Variants in RALGAPA1 observed in about 807,000 individuals in gnomAD.
RALGAPA1 encodes Ral GTPase activating protein catalytic subunit alpha 1, also known as ral GTPase-activating protein subunit alpha-1.
Under a neutral mutation model 269.6 loss-of-function variants are expected in RALGAPA1, and 52 were observed. That is an observed-to-expected ratio of 0.19 (90% CI 0.15 to 0.24). The LOEUF (loss-of-function observed/expected upper bound fraction) is 0.24, where lower values mean the gene tolerates loss of function less well. Among genes scored for constraint, RALGAPA1 ranks in the 10% least tolerant of loss-of-function variants. The pLI is 1.00. For synonymous variants in RALGAPA1, 817 were observed against 1,008.3 expected (o/e 0.81, Z 3.60); for missense variants, 1,917 against 3,013.9 (o/e 0.64, Z 8.52).
intron 1 of RALGAPA1, among the ~76,000 whole-genome samples, chr14:35,794,023 A>G (rs974639637): frequency 6.6e-6 from 1 of 152,228 alleles, no homozygotes; most frequent in African/African-American, 2.4e-5. Context: ...TCAATTCTTC[A>G]TAAATATATA....
At chr14:35,767,199 T>C (rs941750816) in intron 4 of RALGAPA1, 3 of 171,612 alleles carry the variant, frequency 1.7e-5, no homozygotes, top group Non-Finnish European at 3.7e-5. Context: ...TAAAATTCTG[T>C]TTATTCAAGT....
intron 41 of RALGAPA1, among the ~76,000 whole-genome samples, chr14:35,545,818 G>C (rs1178366747): frequency 6.6e-6 from 1 of 151,892 alleles, no homozygotes; most frequent in Admixed American, 6.6e-5. Flanking sequence ...TATAACATTG[G>C]GAGAAACATG....
intron 33 of RALGAPA1, among the ~76,000 whole-genome samples, chr14:35,632,089 T>A (rs1459922248): frequency 1.3e-5 from 2 of 152,192 alleles, no homozygotes; most frequent in African/African-American, 4.8e-5. Context: ...CTGCCCTAAG[T>A]TGCTTCTCTA....
At chr14:35,657,341 A>G (rs987277583) in intron 28 of RALGAPA1, among the ~76,000 whole-genome samples, 1 of 151,760 alleles carries the variant, frequency 6.6e-6, no homozygotes, top group Admixed American at 6.6e-5. Context: ...GGGGCACGCT[A>G]CGACACCTGG....
At chr14:35,632,400 A>G (rs1409129970) in intron 33 of RALGAPA1, among the ~76,000 whole-genome samples, 2 of 152,188 alleles carry the variant, frequency 1.3e-5, no homozygotes, top group Non-Finnish European at 2.9e-5. Context: ...AGATTGTCAG[A>G]TTAAACAAAT....
intron 4 of RALGAPA1, among the ~76,000 whole-genome samples, chr14:35,765,337 A>T (rs2074057280): frequency 6.6e-6 from 1 of 152,056 alleles, no homozygotes; most frequent in South Asian, 2.1e-4. Context: ...TTACATATAA[A>T]CTTTAAGATA....
In RALGAPA1 at chr14:35,775,642, T is replaced by C; in HGVS notation, c.210A>G (p.Lys70=). 2 of 1,569,426 alleles carry C rather than the reference T, an allele frequency of 1.3e-6. No homozygotes were observed. The highest frequency in any genetic ancestry group is 1.7e-6 in the Non-Finnish European group (2 of 1,166,690). Reference sequence around the variant, plus strand: ...TATATGTTAGCATCTTACCTTTCTGTTTAAGACTAGCTTCAATAGTCACAA... The same window carrying C: ...TATATGTTAGCATCTTACCTTTCTGCTTAAGACTAGCTTCAATAGTCACAA... ...ENFVTIEASL[K]QKGHKSQREE... is the part of the protein sequence containing the mutation. The change falls in exon 2 of 42, where the codon AAA becomes AAG. Residue 70 remains lysine, a synonymous_variant. Coordinates refer to ENST00000680220, the MANE Select transcript of RALGAPA1 (RefSeq NM_001346249.2).
intron 12 of RALGAPA1, among the ~76,000 whole-genome samples, chr14:35,731,147 G>C (rs1192406241): frequency 6.6e-6 from 1 of 152,188 alleles, no homozygotes; most frequent in African/African-American, 2.4e-5. Flanking sequence ...AATCACTGCG[G>C]TTCAGCTCAC....
chr14:35,725,684 C>T (rs1056645840), intron 13 of RALGAPA1, among the ~76,000 whole-genome samples: 1 of 151,118 alleles, frequency 6.6e-6, no homozygotes, highest in Admixed American at 6.6e-5. Context: ...CTGGGCAACA[C>T]AGCAAGCCTT....
At chr14:35,763,502 T>C (rs2073891394) in intron 4 of RALGAPA1, among the ~76,000 whole-genome samples, 1 of 152,138 alleles carries the variant, frequency 6.6e-6, no homozygotes, top group Non-Finnish European at 1.5e-5. Flanking sequence ...ATAAACTGTT[T>C]CATATAACTC....
At chr14:35,732,741 A>C (rs1453697649) in intron 12 of RALGAPA1, among the ~76,000 whole-genome samples, 1 of 152,216 alleles carries the variant, frequency 6.6e-6, no homozygotes, top group Non-Finnish European at 1.5e-5. Flanking sequence ...TGCAGCTCCC[A>C]AATTTATAAA....
At chr14:35,730,173 G>A (rs1472784571) in intron 12 of RALGAPA1, among the ~76,000 whole-genome samples, 1 of 152,152 alleles carries the variant, frequency 6.6e-6, no homozygotes, top group African/African-American at 2.4e-5. Context: ...TACCTGGAGC[G>A]GAGTAAATTT....
chr14:35,804,326 T>G (rs1200751892), intron 1 of RALGAPA1, among the ~76,000 whole-genome samples: 1 of 147,256 alleles, frequency 6.8e-6, no homozygotes, highest in Non-Finnish European at 1.5e-5. Flanking sequence ...ATCCCAGCAC[T>G]TTGGAAGGCT....
chr14:35,733,030 T>C (rs990007456), intron 12 of RALGAPA1, among the ~76,000 whole-genome samples: 8 of 152,032 alleles, frequency 5.3e-5, no homozygotes, highest in African/African-American at 1.7e-4. Flanking sequence ...TTTTAAAAAA[T>C]TGAAATTATA....
chr14:35,777,665 C>T (rs1222912402), intron 1 of RALGAPA1, among the ~76,000 whole-genome samples: 3 of 152,162 alleles, frequency 2.0e-5, no homozygotes, highest in African/African-American at 4.8e-5. Context: ...AGGGTTCAAG[C>T]GATTCTCCTG....
chr14:35,746,988 AAAAAAAG>A (rs1220096672), intron 10 of RALGAPA1, among the ~76,000 whole-genome samples: 1 of 151,822 alleles, frequency 6.6e-6, no homozygotes, highest in Non-Finnish European at 1.5e-5. Context: ...ATCATCATTA[AAAAAAAG>A]AAAAAAAGAA....
At chr14:35,595,491 C>A in intron 37 of RALGAPA1, 143 bp downstream of exon 37, 2 of 700,796 alleles carry the variant, frequency 2.9e-6, no homozygotes, top group East Asian at 2.6e-5. Context: ...TACAACCACC[C>A]TATTTTCAAG....
chr14:35,583,331 T>A (rs142468179), intron 37 of RALGAPA1, among the ~76,000 whole-genome samples: 1 of 152,314 alleles, frequency 6.6e-6, no homozygotes, highest in Non-Finnish European at 1.5e-5. Context: ...ATGTCTTTGA[T>A]AGGCTCATTC....
intron 39 of RALGAPA1, among the ~76,000 whole-genome samples, chr14:35,558,132 A>G (rs2055812392): frequency 6.6e-6 from 1 of 152,212 alleles, no homozygotes; most frequent in African/African-American, 2.4e-5. Flanking sequence ...CACATTAAAA[A>G]AAATCCAACC....
Sources: allele counts gnomAD v4.1 joint callset (sites outside exome capture counted in the v4.1 genomes callset), GRCh38; gene constraint gnomAD v4.1.1; transcripts MANE v1.5; gene names NCBI Gene and HGNC (gene_info 2026-07-23, HGNC 2026-07-21).